CSTPP1: variants seen among roughly 807,000 people sequenced by gnomAD.
CSTPP1 encodes the protein centriolar satellite-associated tubulin polyglutamylase complex regulator 1.
At chr11:47,112,024 T>C in the CSTPP1 span, among the ~76,000 whole-genome samples, 3 of 152,194 alleles carry the variant, frequency 2.0e-5, no homozygotes, top group African/African-American at 7.2e-5. Context: ...TTGGTTTCCA[T>C]GCTGTTCCTC....
chr11:47,036,034 G>GAT, the CSTPP1 span, among the ~76,000 whole-genome samples: 4,799 of 25,290 alleles, frequency 0.19, 1,520 homozygotes, highest in Non-Finnish European at 0.25. Context: ...GGAGTGAAAA[G>GAT]ATATATATAT....
chr11:46,961,076 T>C, the CSTPP1 span, among the ~76,000 whole-genome samples: 3 of 152,338 alleles, frequency 2.0e-5, no homozygotes, highest in African/African-American at 7.2e-5. Context: ...TTCATTTCTT[T>C]TAAGCATATA....
chr11:47,043,515 A>G, the CSTPP1 span, among the ~76,000 whole-genome samples: 1 of 152,186 alleles, frequency 6.6e-6, no homozygotes, highest in East Asian at 1.9e-4. Context: ...AAGCCATCCA[A>G]TACAAGACCT....
At chr11:47,000,302 AAAT>A in the CSTPP1 span, among the ~76,000 whole-genome samples, 1 of 152,176 alleles carries the variant, frequency 6.6e-6, no homozygotes, top group African/African-American at 2.4e-5. Flanking sequence ...AGACATTGGA[AAAT>A]AATGATGAGA....
At chr11:46,977,561 G>A in the CSTPP1 span, among the ~76,000 whole-genome samples, 175 of 152,270 alleles carry the variant, frequency 1.1e-3, no homozygotes, top group Non-Finnish European at 1.1e-3. Context: ...ATCTGCTCCT[G>A]CTGCTTACTG....
At chr11:46,964,192 T>C in the CSTPP1 span, among the ~76,000 whole-genome samples, 2 of 152,146 alleles carry the variant, frequency 1.3e-5, no homozygotes, top group East Asian at 1.9e-4. Context: ...GCAGCTTTTT[T>C]CCCTCCGTCT....
chr11:47,102,597 T>G, the CSTPP1 span, among the ~76,000 whole-genome samples: 1 of 151,896 alleles, frequency 6.6e-6, no homozygotes, highest in Non-Finnish European at 1.5e-5. Flanking sequence ...AGAAAAAAGG[T>G]CTAAAAAGCT....
chr11:47,137,687 T>C, the CSTPP1 span: 4 of 1,614,066 alleles, frequency 2.5e-6, no homozygotes, highest in Non-Finnish European at 3.4e-6. Context: ...CTGCAATTAC[T>C]GTGTCCTGAT....
At chr11:47,137,386 C>T in the CSTPP1 span, 18 of 1,489,606 alleles carry the variant, frequency 1.2e-5, no homozygotes, top group Non-Finnish European at 1.6e-5. Flanking sequence ...CTCTCTTCAC[C>T]CGACCAATTT....
the CSTPP1 span, among the ~76,000 whole-genome samples, chr11:47,103,177 C>T: frequency 6.6e-6 from 1 of 151,856 alleles, no homozygotes; most frequent in Non-Finnish European, 1.5e-5. Flanking sequence ...GTGGGAGGAT[C>T]GCTTGAGCCC....
the CSTPP1 span, among the ~76,000 whole-genome samples, chr11:47,079,493 CT>C: frequency 1.3e-5 from 2 of 152,130 alleles, no homozygotes; most frequent in Admixed American, 6.6e-5. Context: ...TTGATTAATT[CT>C]TTTTTTCCTG....
chr11:47,101,328 C>T, the CSTPP1 span, among the ~76,000 whole-genome samples: 3 of 151,208 alleles, frequency 2.0e-5, no homozygotes, highest in Non-Finnish European at 4.4e-5. Flanking sequence ...TCAAAAGAGC[C>T]TGAGGGTAGT....
At chr11:46,948,957 T>G in the CSTPP1 span, among the ~76,000 whole-genome samples, 7 of 152,014 alleles carry the variant, frequency 4.6e-5, no homozygotes, top group African/African-American at 1.4e-4. Flanking sequence ...TACATTCTAG[T>G]TAGTGGATAA....
At chr11:47,078,700 A>G in the CSTPP1 span, among the ~76,000 whole-genome samples, 1 of 152,182 alleles carries the variant, frequency 6.6e-6, no homozygotes, top group East Asian at 1.9e-4. Flanking sequence ...ATTAAGGTAT[A>G]AAGGAAGGAA....
At chr11:46,942,113 T>A in the CSTPP1 span, among the ~76,000 whole-genome samples, 1 of 152,328 alleles carries the variant, frequency 6.6e-6, no homozygotes, top group Non-Finnish European at 1.5e-5. Context: ...GCTTAAGATC[T>A]TAAGATCATC....
chr11:46,985,216 G>A, the CSTPP1 span, among the ~76,000 whole-genome samples: 1 of 152,218 alleles, frequency 6.6e-6, no homozygotes, highest in East Asian at 1.9e-4. Context: ...AGGCTGCTGG[G>A]AACGTGGTGA....
the CSTPP1 span, among the ~76,000 whole-genome samples, chr11:47,121,167 T>A: frequency 3.9e-5 from 6 of 152,310 alleles, no homozygotes; most frequent in Admixed American, 1.3e-4. Context: ...ATATTTAAAA[T>A]ATATTTTTCT....
At chr11:47,142,510 A>G in the CSTPP1 span, among the ~76,000 whole-genome samples, 1 of 152,090 alleles carries the variant, frequency 6.6e-6, no homozygotes, top group Non-Finnish European at 1.5e-5. Flanking sequence ...CCTGCCCCTC[A>G]AAGAACTTGA....
chr11:47,123,679 C>T, the CSTPP1 span, among the ~76,000 whole-genome samples: 1 of 152,116 alleles, frequency 6.6e-6, no homozygotes, highest in African/African-American at 2.4e-5. Context: ...CACAGCATTC[C>T]CACTCTGCTA....
Sources: allele counts gnomAD v4.1 joint callset (sites outside exome capture counted in the v4.1 genomes callset), GRCh38; gene constraint gnomAD v4.1.1; transcripts MANE v1.5; gene names NCBI Gene and HGNC (gene_info 2026-07-23, HGNC 2026-07-21).